Variants in CCDC170 observed in about 807,000 individuals in gnomAD.
The protein encoded by CCDC170 is coiled-coil domain-containing protein 170.
A neutral mutation model predicts 72.6 loss-of-function variants in CCDC170; 69 were observed. That is an observed-to-expected ratio of 0.95 (90% CI 0.78 to 1.16). The LOEUF (loss-of-function observed/expected upper bound fraction) is 1.16, where lower values mean the gene tolerates loss of function less well. Ranked by LOEUF, CCDC170 falls within the 50% of genes most tolerant of loss-of-function variation. CCDC170 has a pLI of 0.00. For missense variants in CCDC170, 852 were observed against 832.5 expected, an observed-to-expected ratio of 1.02 and a Z score of -0.29; for synonymous variants, 300 against 303.9, an observed-to-expected ratio of 0.99 and a Z score of 0.13.
chr6:151,514,611 T>A (rs1318461381), intron 1 of CCDC170, among the ~76,000 whole-genome samples: 1 of 152,132 alleles, frequency 6.6e-6, no homozygotes, highest in Non-Finnish European at 1.5e-5. Context: ...ATATTGGGCA[T>A]TGAGGCAGAA....
chr6:151,620,466 G>A lies in CCDC170; in HGVS notation c.*2319G>A, dbSNP rs1777044185. 6.6e-6 allele frequency: 1 copy of A among 152,394 alleles called. No homozygotes were observed. The highest frequency in any genetic ancestry group is 2.4e-5 in the African/African-American group (1 of 41,434). The allele number at this position is 152,394 out of a possible 1,614,324, so 9.4% of individuals were successfully genotyped here. Reference sequence around the variant, plus strand: ...ACAGGCAGTCTTGAATTTCCTCTAGGGGAGGCCTGCAGTTTTCCCCACCAA... The same window carrying A: ...ACAGGCAGTCTTGAATTTCCTCTAGAGGAGGCCTGCAGTTTTCCCCACCAA... On this transcript the variant is annotated 3_prime_UTR_variant, in exon 11 of 11. Transcript: ENST00000239374.
intron 6 of CCDC170, among the ~76,000 whole-genome samples, chr6:151,582,946 C>G (rs183561201): frequency 6.8e-6 from 1 of 147,414 alleles, no homozygotes; most frequent in African/African-American, 2.5e-5. Context: ...TTAGAGAGGA[C>G]AAATATCCAC....
In CCDC170 at chr6:151,540,373, C is replaced by CTT. The variant is rs779650559; in HGVS notation, c.443+2100_443+2101dup. On this transcript the variant is annotated intron_variant, in intron 3 of 10. Coordinates refer to ENST00000239374, the MANE Select transcript of CCDC170 (RefSeq NM_025059.4). Reference sequence around the variant, plus strand: ...CCTCCTCCTCCTTCTTCTGCTGCTGCTTTTTTTTTTTTTTTTTTTTTTTTT... The same window carrying CTT: ...CCTCCTCCTCCTTCTTCTGCTGCTGCTTTTTTTTTTTTTTTTTTTTTTTTTTT... 8.4e-4 allele frequency among the ~76,000 whole-genome samples: 32 copies of CTT among 37,982 alleles called. 7 individuals carry two copies. Among genetic ancestry groups the CTT allele is most frequent in the East Asian group, 2.4e-3 (2 of 818 alleles). 24.9% of individuals were successfully genotyped at this position (37,982 alleles called of 152,430 possible). A position where few individuals can be genotyped will look rare whatever the true frequency, so the allele number is the denominator to read the frequency against.
At chr6:151,565,849 A>G (rs1776127136) in intron 5 of CCDC170, among the ~76,000 whole-genome samples, 1 of 152,202 alleles carries the variant, frequency 6.6e-6, no homozygotes, top group African/African-American at 2.4e-5. Context: ...AATCAGTTAA[A>G]TCCATATGTT....
chr6:151,557,262 A>G (rs6904377), intron 5 of CCDC170, among the ~76,000 whole-genome samples: 1,811 of 152,130 alleles, frequency 0.012, 24 homozygotes, highest in African/African-American at 0.042. Flanking sequence ...ACAAAAAGTT[A>G]GCCGGGTGTG....
rs1400866353 is a variant in CCDC170, at chr6:151,615,366, AC to A, written c.1711-76del. ...AAAGGGTATGAAGTGAATTCCATTG[AC>A]TTCTGATTTGTCATGTTTATACAGT... On this transcript the variant is annotated intron_variant, in intron 9 of 10. Coordinates refer to ENST00000239374, the MANE Select transcript of CCDC170 (RefSeq NM_025059.4). The A allele has an allele frequency of 5.0e-6, 5 of 998,056 alleles. No homozygotes were observed. The Admixed American group carries it at 1.0e-4, about 20-fold the overall frequency. The allele number at this position is 998,056 out of a possible 1,614,324, so 61.8% of individuals were successfully genotyped here.
In CCDC170 at chr6:151,586,029, G is replaced by C. The variant is rs1411366799; in HGVS notation, c.1233G>C (p.Leu411=). The C allele has an allele frequency of 6.2e-7, 1 of 1,614,086 alleles. No homozygotes were observed. Reference sequence around the variant, plus strand: ...CTCTTCAGGGTCAGCTGACACACCTGGAGGCAGAGCTGGTTTCTGGAGGTG... The same window carrying C: ...CTCTTCAGGGTCAGCTGACACACCTCGAGGCAGAGCTGGTTTCTGGAGGTG... ...LETLQGQLTH[L]EAELVSGGVL... is the part of the protein sequence containing the mutation. The change falls in exon 7 of 11, where the codon CTG becomes CTC. Residue 411 remains leucine (L), a synonymous_variant. Transcript: ENST00000239374.
At chr6:151,594,442 G>T (rs1418847981) in intron 8 of CCDC170, among the ~76,000 whole-genome samples, 1 of 152,242 alleles carries the variant, frequency 6.6e-6, no homozygotes, top group South Asian at 2.1e-4. Flanking sequence ...ACCATATCTT[G>T]AGGAATATTT....
At chr6:151,497,505 C>T (rs562089419) in intron 1 of CCDC170, among the ~76,000 whole-genome samples, 30 of 152,288 alleles carry the variant, frequency 2.0e-4, no homozygotes, top group Admixed American at 2.6e-4. Context: ...ACCTATAATG[C>T]GATCACCAGC....
intron 9 of CCDC170, among the ~76,000 whole-genome samples, chr6:151,609,733 G>A (rs2115137802): frequency 6.6e-6 from 1 of 152,304 alleles, no homozygotes; most frequent in East Asian, 1.9e-4. Context: ...TCCACTCTCA[G>A]GAATCTGTTG....
intron 1 of CCDC170, among the ~76,000 whole-genome samples, chr6:151,503,642 G>A (rs951103538): frequency 3.3e-5 from 5 of 151,876 alleles, no homozygotes; most frequent in African/African-American, 1.2e-4. Context: ...TAGTAGAGAT[G>A]GGGTTTCACC....
chr6:151,575,366 A>G (rs1776285717), intron 6 of CCDC170, among the ~76,000 whole-genome samples: 1 of 150,086 alleles, frequency 6.7e-6, no homozygotes, highest in Non-Finnish European at 1.5e-5. Context: ...TCCAAAATTC[A>G]AGCTTGCAGT....
At chr6:151,539,245 A>G (rs1782642348) in intron 3 of CCDC170, among the ~76,000 whole-genome samples, 1 of 144,138 alleles carries the variant, frequency 6.9e-6, no homozygotes, top group Non-Finnish European at 1.5e-5. Context: ...TGGGCAACAA[A>G]GAGAGACTCT....
chr6:151,596,559 C>T lies in CCDC170; in HGVS notation c.1692C>T (p.Ala564=), dbSNP rs779873946. ...DLHTELKAKL[A]DTNELKIKTL... is the part of the protein sequence containing the mutation. ...ACACCGAGCTCAAAGCCAAACTGGCCGACACCAATGAACTGAAGGCAAGTG... is the reference window on the plus strand; with the variant it reads ...ACACCGAGCTCAAAGCCAAACTGGCTGACACCAATGAACTGAAGGCAAGTG... The change falls in exon 9 of 11, where the codon GCC becomes GCT. Residue 564 remains alanine, a synonymous_variant. Transcript: ENST00000239374. 1.7e-5 allele frequency: 28 copies of T among 1,613,984 alleles called. No homozygotes were observed. In the Middle Eastern group the frequency reaches 8.3e-4, roughly 48 times the overall value.
chr6:151,562,405 T>G (rs530791836), intron 5 of CCDC170, among the ~76,000 whole-genome samples: 27 of 152,196 alleles, frequency 1.8e-4, no homozygotes, highest in Non-Finnish European at 3.2e-4. Context: ...TTTTTTTCTC[T>G]TAGGGGTATG....
At chr6:151,503,493 C>T (rs930160132) in intron 1 of CCDC170, among the ~76,000 whole-genome samples, 4 of 152,018 alleles carry the variant, frequency 2.6e-5, no homozygotes, top group Non-Finnish European at 5.9e-5. Flanking sequence ...GCTCTTGTCA[C>T]CCAGGCTGGA....
chr6:151,586,934 G>A lies in CCDC170; in HGVS notation c.1293+845G>A, dbSNP rs561513439. Among the ~76,000 whole-genome samples, 19 of 151,912 alleles carry A rather than the reference G, an allele frequency of 1.3e-4. 1 individual carries two copies. The South Asian group carries it at 1.3e-3, about 10-fold the overall frequency. On this transcript the variant is annotated intron_variant, in intron 7 of 10. Transcript: ENST00000239374. The stretch of plus-strand genomic sequence containing the variant: ...CAAGTAGCTGAGATTACAGGCGCCC[G>A]CCACCACGCCCGGCTAATTTTTTGT...
chr6:151,532,966 G>A lies in CCDC170; in HGVS notation c.58-3352G>A, dbSNP rs575846679. 4.5e-4 allele frequency among the ~76,000 whole-genome samples: 69 copies of A among 152,232 alleles called. 1 individual carries two copies. In the South Asian group the frequency reaches 0.013, roughly 29 times the overall value. On this transcript the variant is annotated intron_variant, in intron 1 of 10. Transcript: ENST00000239374. ...CTCAGATCCTTGCCTGCACGGGCCAGATCCCTGCCGCAGGGCCCTTGCATG... is the reference window on the plus strand; with the variant it reads ...CTCAGATCCTTGCCTGCACGGGCCAAATCCCTGCCGCAGGGCCCTTGCATG...
At chr6:151,533,526 G>A (rs936544505) in intron 1 of CCDC170, among the ~76,000 whole-genome samples, 1 of 151,918 alleles carries the variant, frequency 6.6e-6, no homozygotes, top group Non-Finnish European at 1.5e-5. Context: ...AATTAGCAGG[G>A]CGTGGTGGCA....
Sources: gnomAD v4.1 joint callset for allele counts (sites outside exome capture counted in the v4.1 genomes callset) on GRCh38, gnomAD v4.1.1 for gene constraint, MANE v1.5 for transcripts, NCBI Gene and HGNC (gene_info 2026-07-23, HGNC 2026-07-21) for gene names.